Variants in SHROOM4 observed in about 807,000 individuals in gnomAD.
The protein encoded by SHROOM4 is protein Shroom4.
SHROOM4 carries 17 observed loss-of-function variants against 80.3 expected under a neutral mutation model. The observed-to-expected ratio is 0.21, with a 90% confidence interval of 0.14 to 0.32. The LOEUF (loss-of-function observed/expected upper bound fraction) is 0.32, where lower values mean the gene tolerates loss of function less well. Among genes scored for constraint, SHROOM4 ranks in the 10% least tolerant of loss-of-function variants. SHROOM4 has a pLI of 1.00. For missense variants in SHROOM4, 993 were observed against 1,140.3 expected, an observed-to-expected ratio of 0.87 and a Z score of 1.86; for synonymous variants, 400 against 437.5, an observed-to-expected ratio of 0.91 and a Z score of 1.07.
At chrX:50,653,592 C>A (rs895788129) in intron 2 of SHROOM4, among the ~76,000 whole-genome samples, 2 of 111,661 alleles carry the variant, frequency 1.8e-5, no homozygotes, top group African/African-American at 6.5e-5. Context: ...GCCAGAACTT[C>A]CAATACTATG....
intron 7 of SHROOM4, 105 bp from the exon 8 acceptor site, chrX:50,598,640 CTCTA>C: frequency 1.0e-6 from 1 of 982,852 alleles, no homozygotes; most frequent in Admixed American, 2.6e-5. Context: ...AGATGGTGGG[CTCTA>C]TCCTAGTCAC....
intron 1 of SHROOM4, among the ~76,000 whole-genome samples, chrX:50,799,855 C>T (rs1467265473): frequency 3.6e-5 from 4 of 111,922 alleles, no homozygotes; most frequent in Middle Eastern, 4.6e-3. Flanking sequence ...CTCACAGCAA[C>T]GCGTCCCAAC....
intron 5 of SHROOM4, among the ~76,000 whole-genome samples, chrX:50,609,963 A>G (rs1167454282): frequency 9.0e-6 from 1 of 111,123 alleles, no homozygotes; most frequent in Non-Finnish European, 1.9e-5. Flanking sequence ...CCTCTAAACC[A>G]CAAGATCTGG....
chrX:50,610,333 T>TTCTC (rs781880088), intron 5 of SHROOM4, among the ~76,000 whole-genome samples: 6 of 92,659 alleles, frequency 6.5e-5, no homozygotes, highest in African/African-American at 2.7e-4. Flanking sequence ...ACCTGGCATA[T>TTCTC]TCTCTCTCTC....
intron 2 of SHROOM4, among the ~76,000 whole-genome samples, chrX:50,694,792 T>C (rs1445177614): frequency 5.6e-5 from 6 of 107,894 alleles, no homozygotes; most frequent in African/African-American, 2.0e-4. Flanking sequence ...AAATGGCAGG[T>C]GGAGAAGTGG....
chrX:50,767,625 T>G lies in SHROOM4; in HGVS notation c.117+46277A>C, dbSNP rs565183163. Among the ~76,000 whole-genome samples the G allele has an allele frequency of 1.4e-4, 16 of 111,763 alleles. No homozygotes were observed. In the South Asian group the frequency reaches 5.7e-3, roughly 39 times the overall value. ...AAAAATCTCAAAGGCTTCTTTTTTC[T>G]TTTTAAACTTATTACCAGAGTCCAG... On this transcript the variant is annotated intron_variant, in intron 1 of 8. Transcript: ENST00000376020.
chrX:50,621,884 G>C (rs1557252093), intron 5 of SHROOM4, among the ~76,000 whole-genome samples: 1 of 111,494 alleles, frequency 9.0e-6, no homozygotes, highest in East Asian at 2.8e-4. Flanking sequence ...TGTGACAAAG[G>C]GAAGGAAGAG....
intron 7 of SHROOM4, among the ~76,000 whole-genome samples, chrX:50,602,025 T>TTCG: frequency 8.9e-6 from 1 of 111,779 alleles, no homozygotes; most frequent in South Asian, 3.8e-4. Flanking sequence ...CCTGGGCAAA[T>TTCG]TCGTCCCTTC....
chrX:50,733,548 G>T (rs1369701755), intron 1 of SHROOM4, among the ~76,000 whole-genome samples: 2 of 111,674 alleles, frequency 1.8e-5, no homozygotes, highest in African/African-American at 6.5e-5. Flanking sequence ...GCCCTCACCA[G>T]ATGCTGCCCC....
At chrX:50,779,036 G>A (rs1215076916) in intron 1 of SHROOM4, among the ~76,000 whole-genome samples, 1 of 111,938 alleles carries the variant, frequency 8.9e-6, no homozygotes, top group Non-Finnish European at 1.9e-5. Context: ...TAAGTTTTAG[G>A]TATTAAATGT....
At position 50,595,835 on chromosome X, in the gene SHROOM4, A is replaced by G. The variant is rs1557246418; in HGVS notation, c.*860T>C. 1 of 319,813 alleles carries G rather than the reference A, an allele frequency of 3.1e-6. No homozygotes were observed. Among genetic ancestry groups the G allele is most frequent in the Non-Finnish European group, 6.0e-6 (1 of 167,948 alleles). 26.4% of individuals were successfully genotyped at this position (319,813 alleles called of 1,213,427 possible). On this transcript the variant is annotated 3_prime_UTR_variant, in exon 9 of 9. Transcript: ENST00000376020. ...CAAAACATAAAAATAAATAAAATCAAAAGGCCATTTAAAATATAACAATAA... is the reference window on the plus strand; with the variant it reads ...CAAAACATAAAAATAAATAAAATCAGAAGGCCATTTAAAATATAACAATAA...
chrX:50,793,989 G>A (rs1240033158), intron 1 of SHROOM4, among the ~76,000 whole-genome samples: 1 of 110,559 alleles, frequency 9.0e-6, no homozygotes, highest in Non-Finnish European at 1.9e-5. Flanking sequence ...TGAAATATGT[G>A]AAGGGAGAAA....
At chrX:50,762,244 C>CT (rs1935174583) in intron 1 of SHROOM4, among the ~76,000 whole-genome samples, 1 of 111,987 alleles carries the variant, frequency 8.9e-6, no homozygotes. Flanking sequence ...TTCTGGTACT[C>CT]TTTATTTCTT....
intron 5 of SHROOM4, among the ~76,000 whole-genome samples, chrX:50,610,162 A>G (rs181094064): frequency 9.0e-6 from 1 of 111,673 alleles, no homozygotes; most frequent in Admixed American, 9.5e-5. Context: ...GGAAGACAAA[A>G]TGTCCTTAAT....
At chrX:50,807,982 C>T (rs1557273151) in intron 1 of SHROOM4, among the ~76,000 whole-genome samples, 1 of 111,256 alleles carries the variant, frequency 9.0e-6, no homozygotes, top group Non-Finnish European at 1.9e-5. Context: ...AGATTCTCCT[C>T]AGTTACAGTA....
chrX:50,765,063 C>T (rs1935244375), intron 1 of SHROOM4, among the ~76,000 whole-genome samples: 1 of 111,542 alleles, frequency 9.0e-6, no homozygotes, highest in South Asian at 3.8e-4. Context: ...GAAAAATCAG[C>T]TCCCATGATT....
At position 50,595,255 on chromosome X, in the gene SHROOM4, T is replaced by C. The variant is rs1929052950; in HGVS notation, c.*1440A>G. 1 of 113,302 alleles carries C rather than the reference T, an allele frequency of 8.8e-6. No individual in the cohort carries two copies. Among genetic ancestry groups the C allele is most frequent in the Admixed American group, 9.3e-5 (1 of 10,798 alleles). The allele number at this position is 113,302 out of a possible 1,213,427, so 9.3% of individuals were successfully genotyped here. On this transcript the variant is annotated 3_prime_UTR_variant, in exon 9 of 9. Coordinates refer to ENST00000376020, the MANE Select transcript of SHROOM4 (RefSeq NM_020717.5). ...CTTTTCCAGCATAGAAACTAGCTAC[T>C]GGTGTCAGGGCCTTGGCAACAGCAG...
At chrX:50,771,659 G>A (rs1253066498) in intron 1 of SHROOM4, among the ~76,000 whole-genome samples, 3 of 112,155 alleles carry the variant, frequency 2.7e-5, no homozygotes, top group Non-Finnish European at 5.6e-5. Context: ...CATTCATTAT[G>A]CCATTTAATA....
intron 2 of SHROOM4, among the ~76,000 whole-genome samples, chrX:50,640,981 A>C (rs1216943305): frequency 8.9e-6 from 1 of 112,421 alleles, no homozygotes; most frequent in African/African-American, 3.2e-5. Context: ...GAGACAATGC[A>C]AGTGCTTTGA....
Sources: allele counts gnomAD v4.1 joint callset (sites outside exome capture counted in the v4.1 genomes callset), GRCh38; gene constraint gnomAD v4.1.1; transcripts MANE v1.5; gene names NCBI Gene and HGNC (gene_info 2026-07-23, HGNC 2026-07-21).